Variants in CAMK1D observed in about 807,000 individuals in gnomAD.
CAMK1D encodes calcium/calmodulin-dependent protein kinase type 1D.
Under a neutral mutation model 47.7 loss-of-function variants are expected in CAMK1D, and 9 were observed. The observed-to-expected ratio is 0.19, with a 90% CI of 0.11 to 0.33. CAMK1D has a LOEUF of 0.33. CAMK1D is among the 10% of genes least tolerant of loss of function. The pLI, the probability that CAMK1D is intolerant of heterozygous loss-of-function variation, is 1.00. For synonymous variants in CAMK1D, 184 were observed against 184.9 expected (o/e 0.99, Z 0.04); for missense variants, 291 against 488.7 (o/e 0.60, Z 3.81).
At chr10:12,805,070 C>T (rs1032993141) in intron 6 of CAMK1D, among the ~76,000 whole-genome samples, 1 of 151,716 alleles carries the variant, frequency 6.6e-6, no homozygotes, top group African/African-American at 2.4e-5. Context: ...ACCATCCTGG[C>T]CAACATGGTG....
intron 3 of CAMK1D, among the ~76,000 whole-genome samples, chr10:12,667,109 AAAT>A (rs1419768191): frequency 1.3e-5 from 2 of 152,214 alleles, no homozygotes; most frequent in African/African-American, 4.8e-5. Context: ...TGCCAGGGCC[AAAT>A]GTGGCTGCCT....
intron 3 of CAMK1D, among the ~76,000 whole-genome samples, chr10:12,715,710 G>A (rs1834103878): frequency 6.8e-6 from 1 of 147,538 alleles, no homozygotes; most frequent in South Asian, 2.2e-4. Flanking sequence ...GGAGAAGTGT[G>A]GGATGGCATT....
chr10:12,350,416 C>A (rs536573312), intron 1 of CAMK1D, among the ~76,000 whole-genome samples: 23 of 152,344 alleles, frequency 1.5e-4, no homozygotes, highest in Non-Finnish European at 8.8e-5. Context: ...CTTTGGGTGG[C>A]CACGCGAGGA....
At position 12,798,230 on chromosome 10, in the gene CAMK1D, A is replaced by G. The variant is rs570719442; in HGVS notation, c.641+6997A>G. On this transcript the variant is annotated intron_variant, in intron 6 of 10. Transcript: ENST00000619168. ...CCATCTCCTAGAAGCCATAGTTTAT[A>G]TAGCAGCTAAAGGCTTTGGGATATT... Among the ~76,000 whole-genome samples, 12 of 152,352 alleles carry G rather than the reference A, an allele frequency of 7.9e-5. No individual in the cohort carries two copies. In the South Asian group the frequency reaches 1.2e-3, roughly 16 times the overall value.
intron 1 of CAMK1D, among the ~76,000 whole-genome samples, chr10:12,541,889 T>TCCTTCCTTCCTTCCC (rs760116191): frequency 7.0e-6 from 1 of 141,956 alleles, no homozygotes; most frequent in East Asian, 2.1e-4. Context: ...CTTCCTTCCT[T>TCCTTCCTTCCTTCCC]TTTTTTTTTC....
In CAMK1D at chr10:12,831,451, A is replaced by AAGC. The variant is rs1833417368; in HGVS notation, c.*2569_*2571dup. ...CTATATACAACCATTTGCATTCAGAAAGCAGCATTTGAAGCTGAGTTCCAT... is the reference window on the plus strand; with the variant it reads ...CTATATACAACCATTTGCATTCAGAAAGCAGCAGCATTTGAAGCTGAGTTCCAT... On this transcript the variant is annotated 3_prime_UTR_variant, in exon 11 of 11. Transcript: ENST00000619168. 1 of 152,254 alleles carries AAGC rather than the reference A, an allele frequency of 6.6e-6. No homozygotes were observed. The highest frequency in any genetic ancestry group is 2.4e-5 in the African/African-American group (1 of 41,458). 9.4% of individuals were successfully genotyped at this position (152,254 alleles called of 1,614,324 possible).
intron 2 of CAMK1D, among the ~76,000 whole-genome samples, chr10:12,650,947 C>A (rs1409572451): frequency 6.6e-6 from 1 of 152,188 alleles, no homozygotes; most frequent in Non-Finnish European, 1.5e-5. Flanking sequence ...CAGTCTTCCT[C>A]CCCCAGATTC....
intron 1 of CAMK1D, among the ~76,000 whole-genome samples, chr10:12,418,978 G>A (rs1176022200): frequency 6.6e-6 from 1 of 152,192 alleles, no homozygotes; most frequent in Non-Finnish European, 1.5e-5. Context: ...GTTGCTCACA[G>A]AACACTTAAG....
chr10:12,801,813 A>G lies in CAMK1D; in HGVS notation c.641+10580A>G, dbSNP rs141284342. Among the ~76,000 whole-genome samples the G allele has an allele frequency of 8.5e-4, 130 of 152,288 alleles. No individual in the cohort carries two copies. The East Asian group carries it at 0.022, about 26-fold the overall frequency. On this transcript the variant is annotated intron_variant, in intron 6 of 10. Coordinates refer to ENST00000619168, the MANE Select transcript of CAMK1D (RefSeq NM_153498.4). ...CATGGAATACATGACATATGTTCCA[A>G]TATTTATATAAAGTGGGTGTTGTTA... is the stretch of plus-strand genomic sequence containing the variant.
intron 1 of CAMK1D, among the ~76,000 whole-genome samples, chr10:12,386,848 A>G (rs1838510897): frequency 6.6e-6 from 1 of 152,200 alleles, no homozygotes; most frequent in African/African-American, 2.4e-5. Context: ...AAGTAAATTC[A>G]CATACAATAT....
At position 12,652,365 on chromosome 10, in the gene CAMK1D, A is replaced by C. The variant is rs368094108; in HGVS notation, c.225-14371A>C. On this transcript the variant is annotated intron_variant, in intron 2 of 10. Transcript: ENST00000619168. Reference sequence around the variant, plus strand: ...GGGAGGCAGAGATGGGCGGATCACAAGGTCAGGAGATCAAGACCATCCTGG... The same window carrying C: ...GGGAGGCAGAGATGGGCGGATCACACGGTCAGGAGATCAAGACCATCCTGG... Among the ~76,000 whole-genome samples the C allele has an allele frequency of 9.4e-5, 14 of 149,154 alleles. No individual in the cohort carries two copies. The South Asian group carries it at 3.0e-3, about 32-fold the overall frequency.
intron 1 of CAMK1D, among the ~76,000 whole-genome samples, chr10:12,504,928 G>T (rs1176152185): frequency 2.0e-5 from 3 of 152,206 alleles, no homozygotes; most frequent in Non-Finnish European, 4.4e-5. Context: ...TCTCTTGCAG[G>T]CAGGGTCTGA....
intron 5 of CAMK1D, among the ~76,000 whole-genome samples, chr10:12,779,588 C>A (rs1386767937): frequency 6.6e-6 from 1 of 152,136 alleles, no homozygotes; most frequent in Non-Finnish European, 1.5e-5. Flanking sequence ...CACCACCACA[C>A]CTGGCTAATT....
At chr10:12,453,468 A>T (rs996103082) in intron 1 of CAMK1D, among the ~76,000 whole-genome samples, 1 of 152,172 alleles carries the variant, frequency 6.6e-6, no homozygotes, top group South Asian at 2.1e-4. Context: ...GATTACAGGT[A>T]TGAGCCACTG....
intron 1 of CAMK1D, among the ~76,000 whole-genome samples, chr10:12,547,286 C>T (rs570477449): frequency 2.6e-5 from 4 of 152,298 alleles, no homozygotes; most frequent in African/African-American, 9.6e-5. Context: ...CCCTGGGGGG[C>T]CCAGCCCACA....
At chr10:12,492,707 C>T (rs1267876049) in intron 1 of CAMK1D, among the ~76,000 whole-genome samples, 1 of 152,202 alleles carries the variant, frequency 6.6e-6, no homozygotes, top group East Asian at 1.9e-4. Flanking sequence ...CATGGTGACA[C>T]TCACCATTTA....
intron 4 of CAMK1D, among the ~76,000 whole-genome samples, chr10:12,764,295 C>T (rs564718430): frequency 3.1e-4 from 45 of 143,312 alleles, no homozygotes; most frequent in African/African-American, 1.2e-3. Context: ...GCAGGAGAAT[C>T]GCTTTAACTG....
chr10:12,498,679 G>A (rs1834612078), intron 1 of CAMK1D, among the ~76,000 whole-genome samples: 1 of 152,150 alleles, frequency 6.6e-6, no homozygotes, highest in African/African-American at 2.4e-5. Context: ...CTGGCTTCCA[G>A]AGGGAGTTGG....
At chr10:12,599,878 G>GCAAA (rs371065253) in intron 2 of CAMK1D, among the ~76,000 whole-genome samples, 1 of 152,170 alleles carries the variant, frequency 6.6e-6, no homozygotes, top group Non-Finnish European at 1.5e-5. Context: ...ACACATTAAG[G>GCAAA]CAAACAAACA....
Sources: allele counts gnomAD v4.1 joint callset (sites outside exome capture counted in the v4.1 genomes callset), GRCh38; gene constraint gnomAD v4.1.1; transcripts MANE v1.5; gene names NCBI Gene and HGNC (gene_info 2026-07-23, HGNC 2026-07-21).